SASH1: variants seen among roughly 807,000 people sequenced by gnomAD.
SASH1 encodes the protein SAM and SH3 domain-containing protein 1.
A neutral mutation model predicts 125.2 loss-of-function variants in SASH1; 44 were observed. The observed-to-expected ratio is 0.35, with a 90% CI of 0.28 to 0.45. The LOEUF is 0.45. Ranked by LOEUF, SASH1 falls within the 20% of genes least tolerant of loss-of-function variation. SASH1 has a pLI of 1.00. For synonymous variants in SASH1, 639 were observed against 649.1 expected, an observed-to-expected ratio of 0.98 and a Z score of 0.24; for missense variants, 1,426 against 1,614.5, an observed-to-expected ratio of 0.88 and a Z score of 2.00.
intron 2 of SASH1, among the ~76,000 whole-genome samples, chr6:148,390,630 G>C (rs1012117003): frequency 6.6e-6 from 1 of 151,584 alleles, no homozygotes; most frequent in Non-Finnish European, 1.5e-5. Flanking sequence ...ACTAAAAATA[G>C]AAAAAAAATT....
intron 16 of SASH1, among the ~76,000 whole-genome samples, chr6:148,536,908 A>G (rs1229507925): frequency 1.3e-5 from 2 of 152,210 alleles, no homozygotes; most frequent in African/African-American, 2.4e-5. Context: ...TTGTGGATCT[A>G]TTCTGCTCTG....
At chr6:148,349,252 C>CTTTTTTTTCTTT (rs1781629349) in intron 1 of SASH1, among the ~76,000 whole-genome samples, 2 of 47,022 alleles carry the variant, frequency 4.3e-5, no homozygotes, top group African/African-American at 1.7e-4. Context: ...TTCTTTCTTT[C>CTTTTTTTTCTTT]TTTTTTTTTT....
intron 1 of SASH1, among the ~76,000 whole-genome samples, chr6:148,379,386 C>A (rs77973346): frequency 6.6e-6 from 1 of 152,074 alleles, no homozygotes; most frequent in Admixed American, 6.6e-5. Context: ...CTCAGATCTT[C>A]GTTTGTTATT....
At chr6:148,391,938 G>T (rs1022836295) in intron 2 of SASH1, among the ~76,000 whole-genome samples, 3 of 152,116 alleles carry the variant, frequency 2.0e-5, no homozygotes, top group African/African-American at 7.2e-5. Flanking sequence ...TCATATAGTG[G>T]GGGCTGCATG....
upstream of SASH1, among the ~76,000 whole-genome samples, chr6:148,271,694 T>C (rs1030455930): frequency 1.3e-5 from 2 of 152,212 alleles, no homozygotes; most frequent in East Asian, 3.8e-4. Flanking sequence ...CAGCCAACTC[T>C]ACAAAGTGGT....
intron 1 of SASH1, among the ~76,000 whole-genome samples, chr6:148,326,386 T>TATATACACA (rs1780826472): frequency 1.6e-5 from 1 of 63,194 alleles, no homozygotes. Context: ...ATTCTTTTCT[T>TATATACACA]TTCTTTTCTT....
chr6:148,212,982 C>T, the SASH1 span, among the ~76,000 whole-genome samples: 1 of 152,146 alleles, frequency 6.6e-6, no homozygotes, highest in Non-Finnish European at 1.5e-5. Context: ...CTAAGCTTCT[C>T]CTGGTAAGAA....
chr6:148,504,155 G>A (rs1779672722), intron 8 of SASH1, among the ~76,000 whole-genome samples: 1 of 152,202 alleles, frequency 6.6e-6, no homozygotes, highest in Non-Finnish European at 1.5e-5. Context: ...GAGGCAATAT[G>A]CAGACTGAAA....
rs1339954612 is a variant in SASH1, at chr6:148,543,908, G to T, written c.2438G>T (p.Ser813Ile). 2 of 1,614,196 alleles carry T rather than the reference G, an allele frequency of 1.2e-6. No individual in the cohort carries two copies. The highest frequency in any genetic ancestry group is 1.7e-6 in the Non-Finnish European group (2 of 1,180,036). ...GVTGLNKNRR[S>I]LPVSICRSCE... ...ACTGGTTTGAATAAAAACCGAAGAAGCCTCCCAGTTTCCATCTGCCGGAGC... is the reference window on the plus strand; with the variant it reads ...ACTGGTTTGAATAAAAACCGAAGAATCCTCCCAGTTTCCATCTGCCGGAGC... Residue 813 changes from serine (S) to isoleucine (I), a missense_variant, in exon 18 of 20, where the codon AGC becomes ATC. By Grantham distance (142) the Ser-to-Ile change is moderately radical. This residue lies in a region of SASH1 where 634 missense variants were observed against 694.4 expected (regional missense o/e 0.91). Transcript: ENST00000367467.
intron 1 of SASH1, among the ~76,000 whole-genome samples, chr6:148,364,035 C>T (rs1468516403): frequency 1.3e-5 from 2 of 152,078 alleles, no homozygotes; most frequent in African/African-American, 2.4e-5. Flanking sequence ...AATGTCCTCA[C>T]CAAGTAATAT....
chr6:148,427,406 A>G (rs1775869996), intron 2 of SASH1, among the ~76,000 whole-genome samples: 1 of 152,168 alleles, frequency 6.6e-6, no homozygotes. Context: ...TAATGATTAC[A>G]TTTATATAAC....
intron 2 of SASH1, among the ~76,000 whole-genome samples, chr6:148,430,969 A>T (rs1776036911): frequency 6.6e-6 from 1 of 152,170 alleles, no homozygotes; most frequent in Admixed American, 6.5e-5. Flanking sequence ...GAAAAACCAA[A>T]CCAAACAAAA....
intron 1 of SASH1, among the ~76,000 whole-genome samples, chr6:148,285,308 C>G (rs1411709257): frequency 3.9e-5 from 6 of 152,204 alleles, no homozygotes; most frequent in Non-Finnish European, 8.8e-5. Context: ...GAAAAGTTGC[C>G]TTGCCATTTC....
the SASH1 span, among the ~76,000 whole-genome samples, chr6:148,214,258 G>A: frequency 2.6e-5 from 4 of 152,054 alleles, no homozygotes; most frequent in Admixed American, 2.6e-4. Flanking sequence ...TTGACGTGAA[G>A]TTAAAAAAAT....
At chr6:148,498,398 C>T (rs528388060) in intron 8 of SASH1, among the ~76,000 whole-genome samples, 5 of 150,646 alleles carry the variant, frequency 3.3e-5, no homozygotes, top group Non-Finnish European at 5.9e-5. Context: ...AAGAACCTGT[C>T]TCTAAAAAAG....
intron 7 of SASH1, among the ~76,000 whole-genome samples, chr6:148,481,345 C>T (rs960750354): frequency 6.6e-6 from 1 of 152,114 alleles, no homozygotes; most frequent in Non-Finnish European, 1.5e-5. Flanking sequence ...AAGGCTGTTC[C>T]ATTTTCTTAT....
chr6:148,476,034 A>G lies in SASH1; in HGVS notation c.627+1812A>G, dbSNP rs151058793. Among the ~76,000 whole-genome samples, 39 of 152,332 alleles carry G rather than the reference A, an allele frequency of 2.6e-4. No homozygotes were observed. In the East Asian group the frequency reaches 7.5e-3, roughly 29 times the overall value. ...TATAGCAATCAGGCAAGAGAGAGAA[A>G]TAAAAGAGAACCAAAGATTCCACTG... On this transcript the variant is annotated intron_variant, in intron 7 of 19. Transcript: ENST00000367467.
the SASH1 span, among the ~76,000 whole-genome samples, chr6:148,206,745 G>A: frequency 3.7e-4 from 56 of 150,052 alleles, 2 homozygotes; most frequent in South Asian, 0.011. Flanking sequence ...AGCCAAGACC[G>A]TGCCACTCCA....
the SASH1 span, among the ~76,000 whole-genome samples, chr6:148,236,522 T>G: frequency 6.6e-6 from 1 of 152,188 alleles, no homozygotes; most frequent in Non-Finnish European, 1.5e-5. Context: ...TCACACAGTT[T>G]ATTAAATTAA....
Sources: gnomAD v4.1 joint callset for allele counts (sites outside exome capture counted in the v4.1 genomes callset) on GRCh38, gnomAD v4.1.1 for gene constraint, gnomAD v4.1.1 regional missense constraint, MANE v1.5 for transcripts, NCBI Gene and HGNC (gene_info 2026-07-23, HGNC 2026-07-21) for gene names.